Variants in KCNK13 observed in about 807,000 individuals in gnomAD.
KCNK13 encodes potassium two pore domain channel subfamily K member 13.
A neutral mutation model predicts 23.4 loss-of-function variants in KCNK13; 12 were observed. The ratio of observed to expected loss-of-function variants is 0.51; its 90% CI spans 0.33 to 0.83. KCNK13 has a LOEUF of 0.83. Ranked by LOEUF, KCNK13 falls within the 40% of genes least tolerant of loss-of-function variation. The pLI is 0.02. For missense variants in KCNK13, 463 were observed against 556.3 expected, an observed-to-expected ratio of 0.83 and a Z score of 1.69; for synonymous variants, 231 against 229.5, an observed-to-expected ratio of 1.01 and a Z score of -0.06.
In KCNK13 at chr14:90,093,571, C is replaced by T. The variant is rs528997940; in HGVS notation, c.334+31032C>T. 1.3e-3 allele frequency among the ~76,000 whole-genome samples: 191 copies of T among 152,216 alleles called. 2 individuals are homozygous for T. The highest frequency in any genetic ancestry group is 4.4e-3 in the African/African-American group (183 of 41,524). Reference sequence around the variant, plus strand: ...ATTCCGAGGCACCCCTGGTCCTCCCCAGCGTGCCCAGCCTAAATTAGATGA... The same window carrying T: ...ATTCCGAGGCACCCCTGGTCCTCCCTAGCGTGCCCAGCCTAAATTAGATGA... On this transcript the variant is annotated intron_variant, in intron 1 of 1. Coordinates refer to ENST00000282146, the MANE Select transcript of KCNK13 (RefSeq NM_022054.4).
chr14:90,127,403 G>A (rs1889813972), intron 1 of KCNK13, among the ~76,000 whole-genome samples: 1 of 151,186 alleles, frequency 6.6e-6, no homozygotes, highest in South Asian at 2.1e-4. Context: ...CTGTTTTGGG[G>A]ACAGGACATT....
intron 1 of KCNK13, among the ~76,000 whole-genome samples, chr14:90,166,345 C>A (rs1369705256): frequency 6.6e-6 from 1 of 152,192 alleles, no homozygotes; most frequent in African/African-American, 2.4e-5. Context: ...GCTTACCTGG[C>A]AAATTTTAAT....
intron 1 of KCNK13, among the ~76,000 whole-genome samples, chr14:90,175,107 TTAGTTTCTA>T (rs1890408742): frequency 6.6e-6 from 1 of 152,160 alleles, no homozygotes; most frequent in African/African-American, 2.4e-5. Context: ...GATGTTATCT[TTAGTTTCTA>T]TAGGGAACCA....
intron 1 of KCNK13, among the ~76,000 whole-genome samples, chr14:90,100,158 A>C (rs1889457914): frequency 6.6e-6 from 1 of 152,014 alleles, no homozygotes; most frequent in African/African-American, 2.4e-5. Context: ...TAGCATAGAT[A>C]ATCTACACTT....
chr14:90,078,310 C>T (rs904232952), intron 1 of KCNK13, among the ~76,000 whole-genome samples: 4 of 151,628 alleles, frequency 2.6e-5, no homozygotes, highest in African/African-American at 9.7e-5. Context: ...ATCCCAAATA[C>T]TCAGGAGGCT....
intron 1 of KCNK13, among the ~76,000 whole-genome samples, chr14:90,137,625 T>G (rs1474294015): frequency 6.6e-6 from 1 of 152,116 alleles, no homozygotes; most frequent in Non-Finnish European, 1.5e-5. Flanking sequence ...CCGGCCCCAG[T>G]CTTGTTTTAA....
intron 1 of KCNK13, among the ~76,000 whole-genome samples, chr14:90,098,567 A>G (rs561275082): frequency 2.0e-5 from 3 of 151,336 alleles, no homozygotes; most frequent in South Asian, 2.1e-4. Context: ...TGAGACCAGG[A>G]GTTATAACCC....
At chr14:90,164,655 A>G (rs1231472433) in intron 1 of KCNK13, among the ~76,000 whole-genome samples, 1 of 152,222 alleles carries the variant, frequency 6.6e-6, no homozygotes, top group African/African-American at 2.4e-5. Context: ...AAATTTCATG[A>G]TTTTGTAGGA....
At chr14:90,156,674 G>T (rs972258573) in intron 1 of KCNK13, among the ~76,000 whole-genome samples, 5 of 152,162 alleles carry the variant, frequency 3.3e-5, no homozygotes, top group African/African-American at 9.7e-5. Context: ...CACTGAATCT[G>T]ACCCCCAGTC....
chr14:90,181,698 A>G (rs566519471), intron 1 of KCNK13, among the ~76,000 whole-genome samples: 31 of 152,304 alleles, frequency 2.0e-4, no homozygotes, highest in African/African-American at 6.5e-4. Context: ...CTGAGAGTAG[A>G]ATGACTAAAT....
At chr14:90,078,970 T>G (rs1889175571) in intron 1 of KCNK13, among the ~76,000 whole-genome samples, 1 of 152,202 alleles carries the variant, frequency 6.6e-6, no homozygotes, top group African/African-American at 2.4e-5. Context: ...CCCTGAAAAG[T>G]AGCGAAAGCA....
chr14:90,121,649 C>T (rs1364830877), intron 1 of KCNK13, among the ~76,000 whole-genome samples: 5 of 152,308 alleles, frequency 3.3e-5, no homozygotes, highest in African/African-American at 4.8e-5. Context: ...AATCACTCAT[C>T]GCCCACTGTT....
chr14:90,139,483 G>A (rs912937250), intron 1 of KCNK13, among the ~76,000 whole-genome samples: 2 of 151,840 alleles, frequency 1.3e-5, no homozygotes, highest in African/African-American at 4.8e-5. Context: ...CGGGGGCCCT[G>A]TAAGGCAGTG....
chr14:90,113,374 T>A (rs1480821293), intron 1 of KCNK13, among the ~76,000 whole-genome samples: 2 of 152,126 alleles, frequency 1.3e-5, no homozygotes, highest in Admixed American at 6.6e-5. Context: ...AAAATATATA[T>A]TCATAAAGAC....
intron 1 of KCNK13, among the ~76,000 whole-genome samples, chr14:90,154,346 C>A (rs1292988591): frequency 6.6e-6 from 1 of 151,852 alleles, no homozygotes; most frequent in Non-Finnish European, 1.5e-5. Context: ...GCTCTCCCAC[C>A]CATAATGCCT....
Position 90,062,146 on chromosome 14 carries a change from G to A in KCNK13, c.-60G>A, listed in dbSNP as rs1888949010. On this transcript the variant is annotated 5_prime_UTR_variant, in exon 1 of 2. Transcript: ENST00000282146. The surrounding 1 kb of genome is among the most constrained non-coding windows in gnomAD (Gnocchi z 4.5). ...GGGGCCCTTATTTCCCGGGGGTGTG[G>A]GCGAGACTCCGCCGACGCCCGGTGC... 1 of 1,156,686 alleles carries A rather than the reference G, an allele frequency of 8.6e-7. No individual in the cohort carries two copies. The highest frequency in any genetic ancestry group is 3.2e-5 in the East Asian group (1 of 31,368). The allele number at this position is 1,156,686 out of a possible 1,614,324, so 71.7% of individuals were successfully genotyped here. A position where few individuals can be genotyped will look rare whatever the true frequency, so the allele number is the denominator to read the frequency against.
intron 1 of KCNK13, among the ~76,000 whole-genome samples, chr14:90,101,781 C>T (rs2140406705): frequency 2.1e-5 from 1 of 48,208 alleles, no homozygotes; most frequent in East Asian, 8.2e-4. Context: ...CAGAGTGAGA[C>T]TCCGTCTCCA....
At chr14:90,104,684 G>A (rs13353134) in intron 1 of KCNK13, among the ~76,000 whole-genome samples, 113,839 of 151,366 alleles carry the variant, frequency 0.75, 43,067 homozygotes, top group East Asian at 0.91. Context: ...CAAGGGAGAC[G>A]CCATCCTACC....
chr14:90,128,689 C>T (rs184260547), intron 1 of KCNK13, among the ~76,000 whole-genome samples: 6 of 152,302 alleles, frequency 3.9e-5, no homozygotes, highest in Admixed American at 2.0e-4. Context: ...TGGCTCCACT[C>T]GAGAATTTTC....
Sources: gnomAD v4.1 joint callset for allele counts (sites outside exome capture counted in the v4.1 genomes callset) on GRCh38, gnomAD v4.1.1 for gene constraint, Gnocchi (gnomAD v3.1) non-coding constraint, MANE v1.5 for transcripts, NCBI Gene and HGNC (gene_info 2026-07-23, HGNC 2026-07-21) for gene names.